The following PTPRD variants were observed in gnomAD, a reference collection of about 807,000 sequenced individuals.
The protein encoded by PTPRD is protein tyrosine phosphatase receptor type D.
PTPRD carries 34 observed loss-of-function variants against 214.5 expected under a neutral mutation model. The ratio of observed to expected loss-of-function variants is 0.16; its 90% CI spans 0.12 to 0.21. The LOEUF is 0.21. Ranked by LOEUF, PTPRD falls within the 10% of genes least tolerant of loss-of-function variation. The pLI is 1.00. For missense variants in PTPRD, 2,545 were observed against 2,398.7 expected, an observed-to-expected ratio of 1.06 and a Z score of -1.27; for synonymous variants, 1,128 against 845.7, an observed-to-expected ratio of 1.33 and a Z score of -5.79.
At chr9:9,528,550 T>C (rs2074697352) in intron 8 of PTPRD, among the ~76,000 whole-genome samples, 1 of 152,104 alleles carries the variant, frequency 6.6e-6, no homozygotes, top group Non-Finnish European at 1.5e-5. Context: ...ACAAAATACT[T>C]GAAGACATAT....
chr9:9,768,518 A>T (rs146187872), intron 5 of PTPRD, among the ~76,000 whole-genome samples: 28 of 152,316 alleles, frequency 1.8e-4, no homozygotes, highest in Middle Eastern at 3.4e-3. Context: ...ACAAGTATGG[A>T]TGATAAACTT....
intron 9 of PTPRD, among the ~76,000 whole-genome samples, chr9:9,395,009 A>C (rs551084956): frequency 6.6e-6 from 1 of 152,178 alleles, no homozygotes; most frequent in East Asian, 1.9e-4. Context: ...ATTTTGGTAC[A>C]GGGGTTTTTC....
chr9:10,105,405 A>C (rs2098615966), intron 3 of PTPRD, among the ~76,000 whole-genome samples: 1 of 151,926 alleles, frequency 6.6e-6, no homozygotes, highest in Non-Finnish European at 1.5e-5. Flanking sequence ...AGCTACATTT[A>C]GAGAGGAATG....
In PTPRD at chr9:9,109,411, G is replaced by A. The variant is rs2099802995; in HGVS notation, c.-143+73893C>T. ...TTTCTCTCACTGTTGCCTATGAACTGTTTGATCTTGAATAAGTTCATTGGC... is the reference window on the plus strand; with the variant it reads ...TTTCTCTCACTGTTGCCTATGAACTATTTGATCTTGAATAAGTTCATTGGC... On this transcript the variant is annotated intron_variant, in intron 10 of 45. Coordinates refer to ENST00000381196, the MANE Select transcript of PTPRD (RefSeq NM_002839.4). 6.6e-5 allele frequency among the ~76,000 whole-genome samples: 10 copies of A among 152,250 alleles called. No homozygotes were observed. The South Asian group carries it at 2.1e-3, about 32-fold the overall frequency.
At chr9:9,913,323 C>T (rs1378960993) in intron 5 of PTPRD, among the ~76,000 whole-genome samples, 4 of 151,966 alleles carry the variant, frequency 2.6e-5, no homozygotes, top group Admixed American at 1.3e-4. Context: ...ATCAGTATTT[C>T]CCAAAGTAAA....
At chr9:8,606,586 T>G (rs1416490834) in intron 14 of PTPRD, among the ~76,000 whole-genome samples, 1 of 152,194 alleles carries the variant, frequency 6.6e-6, no homozygotes, top group Non-Finnish European at 1.5e-5. Flanking sequence ...CCAGATGCTA[T>G]TTAGGGCACC....
chr9:8,522,131 C>G (rs2097903482), intron 19 of PTPRD, among the ~76,000 whole-genome samples: 1 of 152,142 alleles, frequency 6.6e-6, no homozygotes, highest in South Asian at 2.1e-4. Flanking sequence ...CTGGAACAAA[C>G]ACAGAAATGT....
chr9:9,756,525 A>G (rs553720001), intron 6 of PTPRD, among the ~76,000 whole-genome samples: 32 of 152,250 alleles, frequency 2.1e-4, no homozygotes, highest in Admixed American at 2.0e-3. Flanking sequence ...AAAGAGGGTA[A>G]GCAGAAGGTC....
intron 5 of PTPRD, among the ~76,000 whole-genome samples, chr9:9,856,483 A>C (rs2061579464): frequency 6.6e-6 from 1 of 152,172 alleles, no homozygotes; most frequent in Admixed American, 6.5e-5. Flanking sequence ...CCAGTGTATG[A>C]AGCAAAGTAA....
At chr9:9,600,111 C>G (rs967856941) in intron 7 of PTPRD, among the ~76,000 whole-genome samples, 1 of 151,850 alleles carries the variant, frequency 6.6e-6, no homozygotes, top group Admixed American at 6.6e-5. Flanking sequence ...TTTATGTGTG[C>G]GGTATACACC....
At chr9:9,443,977 T>G (rs1340008761) in intron 8 of PTPRD, among the ~76,000 whole-genome samples, 1 of 152,228 alleles carries the variant, frequency 6.6e-6, no homozygotes, top group Admixed American at 6.5e-5. Context: ...TGACAATTTT[T>G]CTAACTACAG....
At chr9:9,329,146 C>G (rs2041329132) in intron 9 of PTPRD, among the ~76,000 whole-genome samples, 1 of 152,072 alleles carries the variant, frequency 6.6e-6, no homozygotes, top group Non-Finnish European at 1.5e-5. Flanking sequence ...CTCAGCAAAA[C>G]TTGGTAATGA....
chr9:10,089,316 A>T (rs1482972207), intron 3 of PTPRD, among the ~76,000 whole-genome samples: 1 of 151,666 alleles, frequency 6.6e-6, no homozygotes, highest in Non-Finnish European at 1.5e-5. Context: ...ATGTTTAGTT[A>T]TGATAGTATT....
intron 9 of PTPRD, among the ~76,000 whole-genome samples, chr9:9,273,583 G>T (rs1301949091): frequency 6.6e-6 from 1 of 151,264 alleles, no homozygotes; most frequent in African/African-American, 2.4e-5. Context: ...ACATTTTAAT[G>T]TTTTCTTCAC....
At chr9:9,730,970 C>T (rs546244966) in intron 7 of PTPRD, among the ~76,000 whole-genome samples, 1 of 152,102 alleles carries the variant, frequency 6.6e-6, no homozygotes, top group East Asian at 1.9e-4. Flanking sequence ...AATCCAGGTG[C>T]AGAAAATAAA....
chr9:9,362,428 A>G (rs1313026868), intron 9 of PTPRD, among the ~76,000 whole-genome samples: 1 of 151,192 alleles, frequency 6.6e-6, no homozygotes, highest in Non-Finnish European at 1.5e-5. Flanking sequence ...AAACTACAAC[A>G]CAGTGTGATA....
chr9:9,302,366 G>T (rs1018749846), intron 9 of PTPRD, among the ~76,000 whole-genome samples: 5 of 151,862 alleles, frequency 3.3e-5, no homozygotes, highest in Admixed American at 3.3e-4. Context: ...TTATTGATAG[G>T]CAGCTCTCTT....
At chr9:9,543,596 G>C (rs1020406246) in intron 8 of PTPRD, among the ~76,000 whole-genome samples, 4 of 151,478 alleles carry the variant, frequency 2.6e-5, no homozygotes, top group African/African-American at 7.3e-5. Flanking sequence ...GGATAATGCA[G>C]GTACAAATAA....
chr9:9,429,628 T>A (rs2082297465), intron 8 of PTPRD, among the ~76,000 whole-genome samples: 1 of 152,196 alleles, frequency 6.6e-6, no homozygotes. Context: ...ATATCCCTGA[T>A]GAACATTGAT....
Sources: allele counts gnomAD v4.1 joint callset (sites outside exome capture counted in the v4.1 genomes callset), GRCh38; gene constraint gnomAD v4.1.1; transcripts MANE v1.5; gene names NCBI Gene and HGNC (gene_info 2026-07-23, HGNC 2026-07-21).